Variants in FHIP1A observed in about 807,000 individuals in gnomAD.
The protein encoded by FHIP1A is FHF complex subunit HOOK-interacting protein 1A.
FHIP1A carries 61 observed loss-of-function variants against 88.6 expected under a neutral mutation model. The observed-to-expected ratio is 0.69, with a 90% CI of 0.56 to 0.85. The LOEUF (loss-of-function observed/expected upper bound fraction) is 0.85, where lower values mean the gene tolerates loss of function less well. FHIP1A is among the 40% of genes least tolerant of loss of function. FHIP1A has a pLI of 0.00. For missense variants in FHIP1A, 1,154 were observed against 1,273.5 expected (o/e 0.91, Z 1.43); for synonymous variants, 478 against 496.0 (o/e 0.96, Z 0.48).
intron 7 of FHIP1A, among the ~76,000 whole-genome samples, chr4:151,594,528 ATTCTC>A (rs1734571758): frequency 6.7e-6 from 1 of 150,042 alleles, no homozygotes; most frequent in African/African-American, 2.4e-5. Context: ...TGTTTATAGT[ATTCTC>A]TTATTGTAGT....
intron 1 of FHIP1A, among the ~76,000 whole-genome samples, chr4:151,422,509 C>T (rs1733210718): frequency 6.6e-6 from 1 of 152,096 alleles, no homozygotes; most frequent in South Asian, 2.1e-4. Context: ...GCCTCAGCCT[C>T]CTTAGTAGCT....
At chr4:151,448,084 G>C (rs975300944) in intron 1 of FHIP1A, among the ~76,000 whole-genome samples, 2 of 151,638 alleles carry the variant, frequency 1.3e-5, no homozygotes, top group East Asian at 3.9e-4. Flanking sequence ...AATTTTTTTG[G>C]TATTTTTTTT....
intron 7 of FHIP1A, among the ~76,000 whole-genome samples, chr4:151,595,356 T>C (rs1046494057): frequency 2.6e-5 from 4 of 152,240 alleles, no homozygotes; most frequent in Non-Finnish European, 4.4e-5. Flanking sequence ...TTCTTAATCC[T>C]GAGTTCTAAT....
intron 3 of FHIP1A, among the ~76,000 whole-genome samples, chr4:151,532,419 G>A (rs1428166345): frequency 6.6e-6 from 1 of 152,174 alleles, no homozygotes; most frequent in African/African-American, 2.4e-5. Flanking sequence ...CATGGACAAG[G>A]TACTCTTTCT....
At chr4:151,588,356 G>A (rs1473241427) in intron 6 of FHIP1A, among the ~76,000 whole-genome samples, 2 of 151,938 alleles carry the variant, frequency 1.3e-5, no homozygotes, top group East Asian at 1.9e-4. Flanking sequence ...TTTAAAATGA[G>A]GAAATGTTTT....
intron 7 of FHIP1A, among the ~76,000 whole-genome samples, chr4:151,591,613 C>A (rs1372039077): frequency 1.3e-5 from 2 of 152,146 alleles, no homozygotes; most frequent in Non-Finnish European, 2.9e-5. Context: ...GGCCCCTGGC[C>A]CCCTGACAGG....
At chr4:151,511,142 G>A (rs1371127457) in intron 3 of FHIP1A, among the ~76,000 whole-genome samples, 3 of 152,148 alleles carry the variant, frequency 2.0e-5, no homozygotes, top group Non-Finnish European at 4.4e-5. Flanking sequence ...GAGCTCTTTG[G>A]AAACTGTGAA....
chr4:151,431,374 C>T (rs766471752), intron 1 of FHIP1A, among the ~76,000 whole-genome samples: 4 of 152,090 alleles, frequency 2.6e-5, no homozygotes, highest in African/African-American at 4.8e-5. Flanking sequence ...TGAGATGATG[C>T]GCTTACATTT....
Position 151,483,292 on chromosome 4 carries a change from A to C in FHIP1A, c.-123+644A>C, listed in dbSNP as rs181452601. Among the ~76,000 whole-genome samples the C allele has an allele frequency of 1.2e-4, 18 of 151,794 alleles. No individual in the cohort carries two copies. The East Asian group carries it at 3.5e-3, about 30-fold the overall frequency. ...CTAATGCTTTATAATTTGCCTCTAT[A>C]AATGATCTTCTTGTGGGGGTGGGGG... On this transcript the variant is annotated intron_variant, in intron 3 of 13. Coordinates refer to ENST00000435205, the MANE Select transcript of FHIP1A (RefSeq NM_001109977.3).
At chr4:151,433,393 A>G (rs1368576696) in intron 1 of FHIP1A, among the ~76,000 whole-genome samples, 1 of 151,786 alleles carries the variant, frequency 6.6e-6, no homozygotes, top group Non-Finnish European at 1.5e-5. Context: ...TAGGGAGAAG[A>G]AGGGGAAGAG....
rs1364380708 is a variant in FHIP1A, at chr4:151,638,665, C to T, written c.1147-12C>T. On this transcript the variant is annotated splice_polypyrimidine_tract_variant and intron_variant, in intron 8 of 13. Transcript: ENST00000435205. Reference sequence around the variant, plus strand: ...AACATCTGAACTAGAATGTGTGTCTCTTGCTTCCCAGCTTTGTGTGGTGTC... The same window carrying T: ...AACATCTGAACTAGAATGTGTGTCTTTTGCTTCCCAGCTTTGTGTGGTGTC... 1 of 1,528,882 alleles carries T rather than the reference C, an allele frequency of 6.5e-7. No homozygotes were observed. Among genetic ancestry groups the T allele is most frequent in the African/African-American group, 1.4e-5 (1 of 72,402 alleles). The allele number at this position is 1,528,882 out of a possible 1,614,324, so 94.7% of individuals were successfully genotyped here.
intron 7 of FHIP1A, among the ~76,000 whole-genome samples, chr4:151,606,301 G>A (rs1735072236): frequency 6.6e-6 from 1 of 152,146 alleles, no homozygotes; most frequent in South Asian, 2.1e-4. Context: ...CTTGTCATCT[G>A]TGCCACTTCC....
At chr4:151,496,979 A>G (rs1730487271) in intron 3 of FHIP1A, among the ~76,000 whole-genome samples, 1 of 151,952 alleles carries the variant, frequency 6.6e-6, no homozygotes. Context: ...TATAAACCAA[A>G]AGAAACAATA....
Position 151,656,397 on chromosome 4 carries a change from GCT to G in FHIP1A, c.2724_2725del (p.Tyr909SerfsTer11). 1 of 1,551,562 alleles carries G rather than the reference GCT, an allele frequency of 6.4e-7. No homozygotes were observed. The highest frequency in any genetic ancestry group is 1.2e-5 in the South Asian group (1 of 84,050). ...AACATGGTCTTCCAGCCAAGCGTCCGCTCTCTCTATCAGGTATGTTAGCTGAA... is the reference window on the plus strand; with the variant it reads ...AACATGGTCTTCCAGCCAAGCGTCCGCTCTCTATCAGGTATGTTAGCTGAA... On this transcript the variant is annotated frameshift_variant, in exon 12 of 14. Coordinates refer to ENST00000435205, the MANE Select transcript of FHIP1A (RefSeq NM_001109977.3). LOFTEE classifies it high-confidence loss of function. The surrounding 1 kb of genome is among the most constrained non-coding windows in gnomAD (Gnocchi z 4.2).
chr4:151,646,049 A>C (rs1389051524), intron 9 of FHIP1A, among the ~76,000 whole-genome samples: 1 of 152,202 alleles, frequency 6.6e-6, no homozygotes, highest in East Asian at 1.9e-4. Flanking sequence ...TGGGATTATA[A>C]GAGAAATGAC....
chr4:151,473,920 C>G (rs959972102), intron 2 of FHIP1A, among the ~76,000 whole-genome samples: 2 of 152,122 alleles, frequency 1.3e-5, no homozygotes, highest in Non-Finnish European at 2.9e-5. Context: ...GGAACTTGAC[C>G]AGTCTGTCAG....
intron 6 of FHIP1A, 43 bp downstream of exon 6, chr4:151,586,842 C>T: frequency 7.0e-7 from 1 of 1,418,990 alleles, no homozygotes; most frequent in Non-Finnish European, 9.6e-7. Flanking sequence ...TGGCTTCATT[C>T]AGAGCACAAG....
At chr4:151,471,266 A>G (rs564957740) in intron 2 of FHIP1A, among the ~76,000 whole-genome samples, 1 of 146,410 alleles carries the variant, frequency 6.8e-6, no homozygotes, top group South Asian at 2.1e-4. Context: ...TTAACTCTGG[A>G]TCTCTCTTGG....
intron 10 of FHIP1A, among the ~76,000 whole-genome samples, chr4:151,648,638 C>T (rs1736882072): frequency 6.6e-6 from 1 of 151,748 alleles, no homozygotes; most frequent in African/African-American, 2.4e-5. Flanking sequence ...CTCTGAGCCT[C>T]AATTTCTTTA....
Sources: gnomAD v4.1 joint callset for allele counts (sites outside exome capture counted in the v4.1 genomes callset) on GRCh38, gnomAD v4.1.1 for gene constraint, Gnocchi (gnomAD v3.1) non-coding constraint, MANE v1.5 for transcripts, NCBI Gene and HGNC (gene_info 2026-07-23, HGNC 2026-07-21) for gene names.